Variants in ADGRL2 observed in about 807,000 individuals in gnomAD.
ADGRL2 encodes the protein calcium-independent alpha-latrotoxin receptor 2.
In ADGRL2, 44 loss-of-function variants were observed where a neutral mutation model predicts 157.4. That is an observed-to-expected ratio of 0.28 (90% confidence interval 0.22 to 0.36). The LOEUF (loss-of-function observed/expected upper bound fraction) is 0.36, where lower values mean the gene tolerates loss of function less well. ADGRL2 is among the 10% of genes least tolerant of loss of function. The probability of loss-of-function intolerance (pLI) is 1.00; values close to 1 mark genes in which losing one functional copy is unlikely to be tolerated. For synonymous variants in ADGRL2, 585 were observed against 624.7 expected (o/e 0.94, Z 0.95); for missense variants, 1,510 against 1,768.9 (o/e 0.85, Z 2.63).
At chr1:81,817,144 C>T (rs924656294) in intron 1 of ADGRL2, among the ~76,000 whole-genome samples, 2 of 151,818 alleles carry the variant, frequency 1.3e-5, no homozygotes, top group African/African-American at 4.8e-5. Context: ...TTTTTCTATT[C>T]TGTATGTCTA....
intron 2 of ADGRL2, among the ~76,000 whole-genome samples, chr1:81,841,479 A>G (rs1184521679): frequency 6.6e-6 from 1 of 152,194 alleles, no homozygotes; most frequent in African/African-American, 2.4e-5. Flanking sequence ...TGTTTCTGGC[A>G]TATAGATATT....
chr1:81,443,463 T>C (rs537397161), intron 1 of ADGRL2, among the ~76,000 whole-genome samples: 1 of 151,362 alleles, frequency 6.6e-6, no homozygotes, highest in Non-Finnish European at 1.5e-5. Flanking sequence ...GTTCACTGAG[T>C]GATATTTCTC....
chr1:81,954,819 T>C (rs1652953797), intron 10 of ADGRL2, among the ~76,000 whole-genome samples: 1 of 152,232 alleles, frequency 6.6e-6, no homozygotes, highest in Admixed American at 6.5e-5. Context: ...TCAAACAACT[T>C]TCCCCCCTGT....
At chr1:81,653,281 A>G (rs531522917) in intron 3 of ADGRL2, among the ~76,000 whole-genome samples, 12 of 150,336 alleles carry the variant, frequency 8.0e-5, no homozygotes, top group Non-Finnish European at 1.3e-4. Flanking sequence ...ATGATGTACC[A>G]TAATTTCTGT....
intron 3 of ADGRL2, among the ~76,000 whole-genome samples, chr1:81,587,435 G>A (rs1182684199): frequency 6.6e-6 from 1 of 152,000 alleles, no homozygotes; most frequent in Non-Finnish European, 1.5e-5. Context: ...AGCAGAAAAG[G>A]AAGAAGTGGC....
At chr1:81,726,560 T>C (rs2084536659) in intron 1 of ADGRL2, among the ~76,000 whole-genome samples, 1 of 152,206 alleles carries the variant, frequency 6.6e-6, no homozygotes, top group Non-Finnish European at 1.5e-5. Flanking sequence ...GGGTCAAACC[T>C]ACTTATATTA....
At chr1:81,762,148 A>T (rs1211384217) in intron 2 of ADGRL2, among the ~76,000 whole-genome samples, 1 of 152,086 alleles carries the variant, frequency 6.6e-6, no homozygotes, top group East Asian at 1.9e-4. Context: ...ATTTATTTTA[A>T]AATACACAGA....
At chr1:81,720,829 TGTG>T (rs1290661563) in intron 1 of ADGRL2, among the ~76,000 whole-genome samples, 1 of 151,202 alleles carries the variant, frequency 6.6e-6, no homozygotes, top group African/African-American at 2.4e-5. Context: ...CTGGATAACT[TGTG>T]AGTCTGATGA....
chr1:81,359,205 A>G (rs1181335807), intron 1 of ADGRL2, among the ~76,000 whole-genome samples: 1 of 152,112 alleles, frequency 6.6e-6, no homozygotes, highest in Non-Finnish European at 1.5e-5. Flanking sequence ...ACAATAAATG[A>G]GCAGGCCTTA....
At chr1:81,534,838 G>A (rs889916181) in intron 2 of ADGRL2, among the ~76,000 whole-genome samples, 1 of 152,122 alleles carries the variant, frequency 6.6e-6, no homozygotes, top group Admixed American at 6.5e-5. Context: ...ACAGAATAAT[G>A]CCACTATTCT....
At chr1:81,709,126 G>A (rs990609994) in intron 1 of ADGRL2, among the ~76,000 whole-genome samples, 5 of 152,210 alleles carry the variant, frequency 3.3e-5, no homozygotes, top group African/African-American at 1.2e-4. Flanking sequence ...CTCTGCCAAT[G>A]AAACGATGAT....
intron 2 of ADGRL2, among the ~76,000 whole-genome samples, chr1:81,528,973 A>C (rs1046436852): frequency 6.6e-6 from 1 of 152,222 alleles, no homozygotes; most frequent in Non-Finnish European, 1.5e-5. Context: ...GATGAATAAG[A>C]TTTCCAGGCC....
chr1:81,879,901 C>T (rs1213549085), intron 2 of ADGRL2, among the ~76,000 whole-genome samples: 3 of 152,214 alleles, frequency 2.0e-5, no homozygotes, highest in Non-Finnish European at 2.9e-5. Flanking sequence ...TTGGCACGCA[C>T]CTGTAATCCC....
At chr1:81,377,034 T>G (rs1435908513) in intron 1 of ADGRL2, among the ~76,000 whole-genome samples, 2 of 151,704 alleles carry the variant, frequency 1.3e-5, no homozygotes, top group South Asian at 2.1e-4. Flanking sequence ...CAAAAAAAAT[T>G]TTTTTTTAAT....
At chr1:81,575,122 G>A (rs1373927332) in intron 2 of ADGRL2, among the ~76,000 whole-genome samples, 1 of 152,064 alleles carries the variant, frequency 6.6e-6, no homozygotes, top group Non-Finnish European at 1.5e-5. Context: ...CATACTCAAT[G>A]GCAAAGTGTG....
intron 1 of ADGRL2, among the ~76,000 whole-genome samples, chr1:81,365,877 A>G (rs1051658678): frequency 1.3e-5 from 2 of 152,192 alleles, no homozygotes; most frequent in African/African-American, 4.8e-5. Context: ...AATTTCTTCA[A>G]TGAAAAATCG....
At chr1:81,469,235 C>G (rs1336909819) in intron 2 of ADGRL2, among the ~76,000 whole-genome samples, 1 of 152,200 alleles carries the variant, frequency 6.6e-6, no homozygotes, top group African/African-American at 2.4e-5. Flanking sequence ...AGAACCATTT[C>G]TGTAAATGCT....
intron 2 of ADGRL2, among the ~76,000 whole-genome samples, chr1:81,517,344 G>A (rs1030272784): frequency 6.6e-6 from 1 of 151,630 alleles, no homozygotes; most frequent in African/African-American, 2.4e-5. Context: ...GGTGGTGCAC[G>A]CCTGTAGTCT....
intron 3 of ADGRL2, among the ~76,000 whole-genome samples, chr1:81,685,816 C>A (rs776169712): frequency 6.6e-6 from 1 of 152,090 alleles, no homozygotes; most frequent in African/African-American, 2.4e-5. Context: ...CCCTTGTATG[C>A]CGATTTTGCT....
Sources: allele counts gnomAD v4.1 joint callset (sites outside exome capture counted in the v4.1 genomes callset), GRCh38; gene constraint gnomAD v4.1.1; transcripts MANE v1.5; gene names NCBI Gene and HGNC (gene_info 2026-07-23, HGNC 2026-07-21).